ENPP3: variants seen among roughly 807,000 people sequenced by gnomAD.
ENPP3 encodes the protein ectonucleotide pyrophosphatase/phosphodiesterase 3.
A neutral mutation model predicts 117.8 loss-of-function variants in ENPP3; 104 were observed. The ratio of observed to expected loss-of-function variants is 0.88; its 90% CI spans 0.75 to 1.04. ENPP3 has a LOEUF of 1.04. Among genes scored for constraint, ENPP3 ranks in the 50% least tolerant of loss-of-function variants. The pLI is 0.00. For synonymous variants in ENPP3, 380 were observed against 349.9 expected (o/e 1.09, Z -0.96); for missense variants, 1,026 against 1,051.9 (o/e 0.98, Z 0.34).
At chr6:131,746,717 A>G (rs35845539) in intron 24 of ENPP3, 69 bp from the exon 25 acceptor site, 47,486 of 1,393,494 alleles carry the variant, frequency 0.034, 949 homozygotes, top group Middle Eastern at 0.074. Context: ...CTTCTAAGCA[A>G]TAAAAATATT....
chr6:131,694,184 T>C (rs1357638624), intron 15 of ENPP3, among the ~76,000 whole-genome samples: 1 of 152,226 alleles, frequency 6.6e-6, no homozygotes, highest in African/African-American at 2.4e-5. Context: ...TTAGCAGTTC[T>C]ACATTTCAAG....
chr6:131,737,699 A>G (rs188861905), intron 22 of ENPP3, among the ~76,000 whole-genome samples: 2 of 152,306 alleles, frequency 1.3e-5, no homozygotes, highest in Admixed American at 1.3e-4. Context: ...AATCAAATGT[A>G]AATGTTTATC....
chr6:131,714,625 TC>T (rs1450215469), intron 15 of ENPP3, among the ~76,000 whole-genome samples: 1 of 127,260 alleles, frequency 7.9e-6, no homozygotes, highest in Non-Finnish European at 1.5e-5. Context: ...ACAGTGAATC[TC>T]AGAGCTTTCT....
At chr6:131,727,227 A>G (rs892365874) in intron 20 of ENPP3, among the ~76,000 whole-genome samples, 1 of 152,172 alleles carries the variant, frequency 6.6e-6, no homozygotes, top group Non-Finnish European at 1.5e-5. Context: ...TTGAATCACA[A>G]TTCAGGAATA....
At chr6:131,733,482 T>C (rs1780328859) in intron 20 of ENPP3, 106 bp from the exon 21 acceptor site, 2 of 1,256,900 alleles carry the variant, frequency 1.6e-6, no homozygotes, top group East Asian at 4.8e-5. Flanking sequence ...ACTAAGAAAA[T>C]AGGAAAAGCT....
At chr6:131,727,555 C>T (rs1311588032) in intron 20 of ENPP3, among the ~76,000 whole-genome samples, 1 of 52,264 alleles carries the variant, frequency 1.9e-5, no homozygotes, top group African/African-American at 6.1e-5. Context: ...AAGTCCATCT[C>T]AAAAAAAAAA....
At chr6:131,742,984 G>T (rs767555015) in intron 24 of ENPP3, among the ~76,000 whole-genome samples, 8 of 152,156 alleles carry the variant, frequency 5.3e-5, no homozygotes, top group Non-Finnish European at 1.0e-4. Context: ...GGAATTTGCA[G>T]TATAGTAATA....
intron 17 of ENPP3, among the ~76,000 whole-genome samples, chr6:131,720,705 C>G (rs375946787): frequency 3.9e-4 from 59 of 152,268 alleles, no homozygotes; most frequent in African/African-American, 1.3e-3. Flanking sequence ...TCTCAGCTTC[C>G]CAAGTAGCTG....
chr6:131,708,501 C>T (rs1779692766), intron 15 of ENPP3, among the ~76,000 whole-genome samples: 1 of 152,232 alleles, frequency 6.6e-6, no homozygotes, highest in African/African-American at 2.4e-5. Flanking sequence ...TTCCATTAAA[C>T]TTCAATTTGA....
intron 11 of ENPP3, among the ~76,000 whole-genome samples, chr6:131,680,852 A>C (rs1180385831): frequency 1.3e-5 from 2 of 152,166 alleles, no homozygotes; most frequent in African/African-American, 4.8e-5. Flanking sequence ...CATTCTATGG[A>C]GTGTGTACTT....
chr6:131,675,410 G>C, intron 9 of ENPP3: 1 of 481,508 alleles, frequency 2.1e-6, no homozygotes, highest in African/African-American at 2.0e-5. Flanking sequence ...ATTACCTCTA[G>C]CATTACCACT....
intron 5 of ENPP3, among the ~76,000 whole-genome samples, chr6:131,653,413 G>A (rs891016144): frequency 2.0e-5 from 3 of 148,748 alleles, no homozygotes; most frequent in African/African-American, 7.5e-5. Context: ...CTCCCAAAAT[G>A]CTGGGATTCC....
chr6:131,660,285 C>A (rs1256412137), intron 6 of ENPP3, among the ~76,000 whole-genome samples: 1 of 152,170 alleles, frequency 6.6e-6, no homozygotes, highest in Non-Finnish European at 1.5e-5. Context: ...GCCCAGGGCC[C>A]CATCTCTAGG....
At chr6:131,720,498 G>A (rs1485711948) in intron 17 of ENPP3, 119 bp downstream of exon 17, 3 of 519,440 alleles carry the variant, frequency 5.8e-6, no homozygotes, top group African/African-American at 2.0e-5. Flanking sequence ...AAGGCAGAAA[G>A]TAAAAAAGAT....
intron 15 of ENPP3, among the ~76,000 whole-genome samples, chr6:131,703,119 G>A (rs1281477172): frequency 2.9e-5 from 4 of 137,036 alleles, no homozygotes; most frequent in African/African-American, 8.8e-5. Flanking sequence ...TAAAAATTAA[G>A]TGCTGGGCTA....
chr6:131,701,380 T>A, intron 15 of ENPP3: 1 of 1,614,020 alleles, frequency 6.2e-7, no homozygotes. Context: ...AACTCTCTGA[T>A]GGATGTTATA....
chr6:131,668,287 A>G (rs561698136), intron 6 of ENPP3, among the ~76,000 whole-genome samples: 2 of 132,454 alleles, frequency 1.5e-5, no homozygotes, highest in East Asian at 2.2e-4. Flanking sequence ...ATCTCAGCTC[A>G]CTGTAACCTC....
At chr6:131,667,344 CT>C (rs1425976863) in intron 6 of ENPP3, among the ~76,000 whole-genome samples, 7 of 152,092 alleles carry the variant, frequency 4.6e-5, no homozygotes, top group African/African-American at 7.2e-5. Flanking sequence ...GCATTGGACA[CT>C]TAGTGCAACT....
intron 15 of ENPP3, among the ~76,000 whole-genome samples, chr6:131,696,541 TACAGTGGCATCCTGCCA>T: frequency 6.6e-6 from 1 of 152,302 alleles, no homozygotes; most frequent in East Asian, 1.9e-4. Flanking sequence ...CTGTCGGTTG[TACAGTGGCATCCTGCCA>T]ACAAGGTGAG....
Sources: allele counts gnomAD v4.1 joint callset (sites outside exome capture counted in the v4.1 genomes callset), GRCh38; gene constraint gnomAD v4.1.1; transcripts MANE v1.5; gene names NCBI Gene and HGNC (gene_info 2026-07-23, HGNC 2026-07-21).